Variants in ZC2HC1B observed in about 807,000 individuals in gnomAD.
The protein encoded by ZC2HC1B is zinc finger C2HC-type containing 1B.
In ZC2HC1B, 36 loss-of-function variants were observed where a neutral mutation model predicts 31.0. The observed-to-expected ratio is 1.16, with a 90% CI of 0.89 to 1.54. ZC2HC1B has a LOEUF of 1.54. ZC2HC1B is among the 40% of genes most tolerant of loss of function. ZC2HC1B has a pLI of 0.00. For missense variants in ZC2HC1B, 260 were observed against 268.6 expected, an observed-to-expected ratio of 0.97 and a Z score of 0.22; for synonymous variants, 73 against 88.0, an observed-to-expected ratio of 0.83 and a Z score of 0.95.
At position 143,905,347 on chromosome 6, in the gene ZC2HC1B, AT is replaced by A. The variant is rs916509083; in HGVS notation, c.598+2203del. On this transcript the variant is annotated intron_variant, in intron 6 of 7. Coordinates refer to ENST00000237275, the MANE Select transcript of ZC2HC1B (RefSeq NM_001013623.3). The surrounding 1 kb of genome is among the most constrained non-coding windows in gnomAD (Gnocchi z 4.2). The stretch of plus-strand genomic sequence containing the variant: ...TATTGTAAATGTAGTTGTCTTCATA[AT>A]TTTTTTTGATTGTTCATTGTCAGTA... Among the ~76,000 whole-genome samples, 32 of 151,988 alleles carry A rather than the reference AT, an allele frequency of 2.1e-4. No homozygotes were observed. The highest frequency in any genetic ancestry group is 6.7e-4 in the African/African-American group (28 of 41,510).
chr6:143,937,100 T>G (rs1209146167), intron 6 of ZC2HC1B, among the ~76,000 whole-genome samples: 2 of 152,114 alleles, frequency 1.3e-5, no homozygotes, highest in East Asian at 3.9e-4. Flanking sequence ...TGGTCAAAAC[T>G]AAGCCATGGT....
At chr6:143,935,900 T>G (rs1778173008) in intron 6 of ZC2HC1B, among the ~76,000 whole-genome samples, 1 of 152,154 alleles carries the variant, frequency 6.6e-6, no homozygotes, top group South Asian at 2.1e-4. Flanking sequence ...TCCTCCTGCC[T>G]TGGCCTCTCA....
At chr6:143,901,330 G>A (rs957376796) in intron 5 of ZC2HC1B, among the ~76,000 whole-genome samples, 7 of 138,350 alleles carry the variant, frequency 5.1e-5, no homozygotes, top group Non-Finnish European at 9.1e-5. Flanking sequence ...TGTGATCTCG[G>A]CTCACTGCAA....
chr6:143,935,389 C>A (rs1778164433), intron 6 of ZC2HC1B, among the ~76,000 whole-genome samples: 1 of 152,040 alleles, frequency 6.6e-6, no homozygotes, highest in Non-Finnish European at 1.5e-5. Context: ...ATGGTCAGGG[C>A]TGCTCAATCT....
chr6:143,891,009 T>C (rs1161009694), intron 4 of ZC2HC1B, among the ~76,000 whole-genome samples: 1 of 151,382 alleles, frequency 6.6e-6, no homozygotes, highest in African/African-American at 2.4e-5. Flanking sequence ...TGGGTACCTG[T>C]AATCCCAGTT....
Position 143,887,263 on chromosome 6 carries a change from A to T in ZC2HC1B, c.349+442A>T, listed in dbSNP as rs1055682128. Among the ~76,000 whole-genome samples, 5 of 152,212 alleles carry T rather than the reference A, an allele frequency of 3.3e-5. No homozygotes were observed. Among genetic ancestry groups the T allele is most frequent in the African/African-American group, 1.2e-4 (5 of 41,452 alleles). ...TTTTACTGGAAACATTTTATTTGAA[A>T]ATTTAAAAATCTACAGAAAAGAGGA... On this transcript the variant is annotated intron_variant, in intron 4 of 7. Transcript: ENST00000237275. The surrounding 1 kb of genome is among the most constrained non-coding windows in gnomAD (Gnocchi z 5.1).
At position 143,908,973 on chromosome 6, in the gene ZC2HC1B, G is replaced by A. The variant is rs911436245; in HGVS notation, c.598+5821G>A. Among the ~76,000 whole-genome samples the A allele has an allele frequency of 3.9e-5, 6 of 152,076 alleles. No homozygotes were observed. The highest frequency in any genetic ancestry group is 9.7e-5 in the African/African-American group (4 of 41,406). On this transcript the variant is annotated intron_variant, in intron 6 of 7. Coordinates refer to ENST00000237275, the MANE Select transcript of ZC2HC1B (RefSeq NM_001013623.3). The surrounding 1 kb of genome is among the most constrained non-coding windows in gnomAD (Gnocchi z 4.4). The stretch of plus-strand genomic sequence containing the variant: ...TCCTTTAATACCTAGTTTATTGAGC[G>A]TTTTTAACATAAAGGGATGTTGAAA...
At chr6:143,875,790 CAG>C (rs1478815015) in intron 1 of ZC2HC1B, among the ~76,000 whole-genome samples, 2 of 150,548 alleles carry the variant, frequency 1.3e-5, no homozygotes, top group Non-Finnish European at 3.0e-5. Flanking sequence ...GCAACTGTCT[CAG>C]GGGAGGCCAT....
chr6:143,913,881 C>G lies in ZC2HC1B; in HGVS notation c.598+10729C>G, dbSNP rs137923834. On this transcript the variant is annotated intron_variant, in intron 6 of 7. Coordinates refer to ENST00000237275, the MANE Select transcript of ZC2HC1B (RefSeq NM_001013623.3). The surrounding 1 kb of genome is among the most constrained non-coding windows in gnomAD (Gnocchi z 5.7). ...GTATTGAGTTGTTTCCCTAATCAGT[C>G]CCAGTGTGAGAACCTGGATGTTTCA... Among the ~76,000 whole-genome samples, 289 of 152,310 alleles carry G rather than the reference C, an allele frequency of 1.9e-3. 4 individuals carry two copies. Among genetic ancestry groups the G allele is most frequent in the East Asian group, 0.012 (64 of 5,184 alleles).
chr6:143,878,229 T>C (rs1453137928), intron 1 of ZC2HC1B, among the ~76,000 whole-genome samples: 4 of 150,900 alleles, frequency 2.7e-5, no homozygotes, highest in Non-Finnish European at 4.4e-5. Context: ...TGTTTTAGTG[T>C]TCATAATGTA....
At chr6:143,893,572 AAAG>A (rs1379671519) in intron 4 of ZC2HC1B, among the ~76,000 whole-genome samples, 1 of 152,162 alleles carries the variant, frequency 6.6e-6, no homozygotes, top group Admixed American at 6.5e-5. Context: ...CTCAAAAAAC[AAAG>A]AAGAAAAAGA....
At chr6:143,897,535 C>T (rs1295888229) in intron 4 of ZC2HC1B, among the ~76,000 whole-genome samples, 1 of 151,720 alleles carries the variant, frequency 6.6e-6, no homozygotes, top group Non-Finnish European at 1.5e-5. Context: ...AACCTGGGGC[C>T]GACAGGAGCT....
At position 143,870,163 on chromosome 6, in the gene ZC2HC1B, C is replaced by G. The variant is rs560322855; in HGVS notation, c.28+5596C>G. ...CATGAATCAGTATATAATTGCACAT[C>G]TGACCATTTCTCCTTTCATGCAAAG... On this transcript the variant is annotated intron_variant, in intron 1 of 7. Transcript: ENST00000237275. The surrounding 1 kb of genome is among the most constrained non-coding windows in gnomAD (Gnocchi z 4.7). 9.2e-5 allele frequency among the ~76,000 whole-genome samples: 14 copies of G among 152,330 alleles called. No homozygotes were observed. Among genetic ancestry groups the G allele is most frequent in the Admixed American group, 4.6e-4 (7 of 15,296 alleles).
At chr6:143,891,852 G>A (rs1444334837) in intron 4 of ZC2HC1B, among the ~76,000 whole-genome samples, 1 of 151,848 alleles carries the variant, frequency 6.6e-6, no homozygotes, top group African/African-American at 2.4e-5. Flanking sequence ...TATTATAACA[G>A]TACAGTGATC....
At position 143,903,022 on chromosome 6, in the gene ZC2HC1B, C is replaced by CTCTT. The variant is rs775371248; in HGVS notation, c.490-14_490-11dup. 1 of 1,550,248 alleles carries CTCTT rather than the reference C, an allele frequency of 6.5e-7. No homozygotes were observed. ...TACATACAGAAGGTGTTCTCTTTGT[C>CTCTT]TCTTTCTTTCTCTCTCTGTAGGGTA... On this transcript the variant is annotated intron_variant, in intron 5 of 7. Coordinates refer to ENST00000237275, the MANE Select transcript of ZC2HC1B (RefSeq NM_001013623.3). The surrounding 1 kb of genome is among the most constrained non-coding windows in gnomAD (Gnocchi z 4.3).
rs1008019064 is a variant in ZC2HC1B at position 143,865,819 on chromosome 6, ACTT to A, written c.28+1253_28+1255del. Among the ~76,000 whole-genome samples, 1 of 151,788 alleles carries A rather than the reference ACTT, an allele frequency of 6.6e-6. No homozygotes were observed. Among genetic ancestry groups the A allele is most frequent in the African/African-American group, 2.4e-5 (1 of 41,340 alleles). On this transcript the variant is annotated intron_variant, in intron 1 of 7. Transcript: ENST00000237275. This position sits in a 1 kb window ranked among gnomAD's most constrained non-coding sequence, Gnocchi z 4.4. ...AAATCTTGAAGAATTTGTATCTTAA[ACTT>A]TTTTTTTTTGCCAAGACAGGTCTTG...
chr6:143,907,623 AGTT>A (rs1276903658), intron 6 of ZC2HC1B, among the ~76,000 whole-genome samples: 5 of 151,808 alleles, frequency 3.3e-5, no homozygotes, highest in Admixed American at 3.3e-4. Context: ...ATTTTAATGA[AGTT>A]GTTTTTATCT....
In ZC2HC1B at chr6:143,918,843, T is replaced by G. The variant is rs1777950780; in HGVS notation, c.598+15691T>G. Reference sequence around the variant, plus strand: ...TTTGTTCAAATGTATTCTTGAATCCTACTAGTAAAGTTTTCATTTCATTTA... The same window carrying G: ...TTTGTTCAAATGTATTCTTGAATCCGACTAGTAAAGTTTTCATTTCATTTA... On this transcript the variant is annotated intron_variant, in intron 6 of 7. Coordinates refer to ENST00000237275, the MANE Select transcript of ZC2HC1B (RefSeq NM_001013623.3). This position sits in a 1 kb window ranked among gnomAD's most constrained non-coding sequence, Gnocchi z 4.1. 1.3e-5 allele frequency among the ~76,000 whole-genome samples: 2 copies of G among 152,232 alleles called. No homozygotes were observed. Among genetic ancestry groups the G allele is most frequent in the African/African-American group, 4.8e-5 (2 of 41,470 alleles).
Position 143,903,156 on chromosome 6 carries a change from A to C in ZC2HC1B, c.598+4A>C, listed in dbSNP as rs375080754. ...AATGAAGTCCCAACCAAGTCAGGTGAGTCAAAGCACGCATTTCATCTCTCA... is the reference window on the plus strand; with the variant it reads ...AATGAAGTCCCAACCAAGTCAGGTGCGTCAAAGCACGCATTTCATCTCTCA... On this transcript the variant is annotated splice_donor_region_variant and intron_variant, in intron 6 of 7. Coordinates refer to ENST00000237275, the MANE Select transcript of ZC2HC1B (RefSeq NM_001013623.3). This position sits in a 1 kb window ranked among gnomAD's most constrained non-coding sequence, Gnocchi z 4.3. 6.4e-7 allele frequency: 1 copy of C among 1,551,842 alleles called. No homozygotes were observed. Among genetic ancestry groups the C allele is most frequent in the Non-Finnish European group, 8.7e-7 (1 of 1,146,868 alleles).
Sources: gnomAD v4.1 joint callset for allele counts (sites outside exome capture counted in the v4.1 genomes callset) on GRCh38, gnomAD v4.1.1 for gene constraint, Gnocchi (gnomAD v3.1) non-coding constraint, MANE v1.5 for transcripts, NCBI Gene and HGNC (gene_info 2026-07-23, HGNC 2026-07-21) for gene names.